EYS: variants seen among roughly 807,000 people sequenced by gnomAD.
The protein encoded by EYS is EGF-like photoreceptor maintenance factor, also known as protein eyes shut homolog.
Under a neutral mutation model 282.1 loss-of-function variants are expected in EYS, and 250 were observed. That is an observed-to-expected ratio of 0.89 (90% CI 0.80 to 0.98). EYS has a LOEUF of 0.98. Ranked by LOEUF, EYS falls within the 50% of genes least tolerant of loss-of-function variation. EYS has a pLI of 0.00. For synonymous variants in EYS, 1,355 were observed against 1,282.9 expected, an observed-to-expected ratio of 1.06 and a Z score of -1.20; for missense variants, 4,016 against 3,709.0, an observed-to-expected ratio of 1.08 and a Z score of -2.15.
intron 22 of EYS, among the ~76,000 whole-genome samples, chr6:64,669,463 G>T (rs1049932811): frequency 6.6e-6 from 1 of 152,200 alleles, no homozygotes; most frequent in Non-Finnish European, 1.5e-5. Context: ...GTGGAATTCA[G>T]TGACTGAAGG....
At chr6:64,622,649 G>A (rs542512274) in intron 23 of EYS, among the ~76,000 whole-genome samples, 1 of 152,198 alleles carries the variant, frequency 6.6e-6, no homozygotes, top group South Asian at 2.1e-4. Context: ...GTTAGATAAA[G>A]ACAAGAGTAT....
chr6:64,976,097 G>A (rs924970251), intron 14 of EYS, among the ~76,000 whole-genome samples: 3 of 151,722 alleles, frequency 2.0e-5, no homozygotes, highest in East Asian at 1.9e-4. Context: ...TAAATGAAAT[G>A]AACTAAGAAT....
intron 33 of EYS, among the ~76,000 whole-genome samples, chr6:64,004,405 T>A (rs999176496): frequency 6.6e-6 from 1 of 152,186 alleles, no homozygotes; most frequent in Admixed American, 6.5e-5. Flanking sequence ...ATATTGGAAT[T>A]CAGTTTCCAC....
chr6:65,137,997 A>G (rs968391682), intron 12 of EYS, among the ~76,000 whole-genome samples: 2 of 152,112 alleles, frequency 1.3e-5, no homozygotes, highest in African/African-American at 4.8e-5. Flanking sequence ...AAATAAAAAA[A>G]GAACAAAAAA....
intron 2 of EYS, among the ~76,000 whole-genome samples, chr6:65,579,261 T>C (rs1161682261): frequency 2.6e-5 from 4 of 152,236 alleles, no homozygotes; most frequent in African/African-American, 9.6e-5. Flanking sequence ...ATATATTAGA[T>C]TTAGAAACTT....
In EYS at chr6:65,465,764, T is replaced by C. The variant is rs563151032; in HGVS notation, c.862+24830A>G. Among the ~76,000 whole-genome samples, 8 of 152,136 alleles carry C rather than the reference T, an allele frequency of 5.3e-5. No homozygotes were observed. The East Asian group carries it at 1.6e-3, about 30-fold the overall frequency. On this transcript the variant is annotated intron_variant, in intron 5 of 42. Transcript: ENST00000503581. ...TAGGTGGCCAAGGCAGGAGGATCAC[T>C]TGAGTCCAGGAGTTCACAACCAGCC... is the stretch of plus-strand genomic sequence containing the variant.
At chr6:64,690,093 A>G (rs542239931) in intron 22 of EYS, among the ~76,000 whole-genome samples, 1 of 152,060 alleles carries the variant, frequency 6.6e-6, no homozygotes, top group South Asian at 2.1e-4. Context: ...CAAAGGGCTA[A>G]TATCCAGAAT....
intron 5 of EYS, among the ~76,000 whole-genome samples, chr6:65,413,216 G>A (rs1767095195): frequency 6.6e-6 from 1 of 151,976 alleles, no homozygotes; most frequent in South Asian, 2.1e-4. Flanking sequence ...CTTCATCACA[G>A]CTATGAAGCA....
intron 5 of EYS, among the ~76,000 whole-genome samples, chr6:65,465,703 T>C (rs560592700): frequency 6.6e-6 from 1 of 152,236 alleles, no homozygotes; most frequent in South Asian, 2.1e-4. Context: ...AGGCCACGCA[T>C]GGTCGCTTAT....
At chr6:65,685,530 G>A (rs909507251) in intron 1 of EYS, among the ~76,000 whole-genome samples, 1 of 152,024 alleles carries the variant, frequency 6.6e-6, no homozygotes, top group Non-Finnish European at 1.5e-5. Context: ...GAGTATAATT[G>A]AAGGCAAGGT....
rs185319137 is a variant in EYS at position 65,292,143 on chromosome 6, G to A, written c.2023+3720C>T. 3.9e-3 allele frequency among the ~76,000 whole-genome samples: 587 copies of A among 151,684 alleles called. 3 individuals carry two copies. Among genetic ancestry groups the A allele is most frequent in the Non-Finnish European group, 7.2e-3 (487 of 67,700 alleles). On this transcript the variant is annotated intron_variant, in intron 12 of 42. Transcript: ENST00000503581. ...ATTTTGGGGAAAACCATAAATACAA[G>A]CAACGGGCTTATATAATATCTCCTA... is the stretch of plus-strand genomic sequence containing the variant.
intron 32 of EYS, among the ~76,000 whole-genome samples, chr6:64,078,357 T>C (rs1183367131): frequency 6.6e-6 from 1 of 152,060 alleles, no homozygotes; most frequent in Admixed American, 6.6e-5. Flanking sequence ...AATATACTGA[T>C]TTCAAAGTAA....
chr6:64,785,774 G>T (rs1467894023), intron 22 of EYS, among the ~76,000 whole-genome samples: 7 of 152,138 alleles, frequency 4.6e-5, no homozygotes, highest in Admixed American at 4.6e-4. Flanking sequence ...GATGTATTGT[G>T]CTAGTTGCTG....
intron 2 of EYS, among the ~76,000 whole-genome samples, chr6:65,500,292 AG>A (rs1766404465): frequency 6.6e-6 from 1 of 152,064 alleles, no homozygotes; most frequent in South Asian, 2.1e-4. Flanking sequence ...ACAATCCTGG[AG>A]AACAATAATA....
In EYS at chr6:65,181,128, A is replaced by G. The variant is rs112450760; in HGVS notation, c.2023+114735T>C. 4.7e-3 allele frequency among the ~76,000 whole-genome samples: 713 copies of G among 152,270 alleles called. 3 individuals carry two copies. The highest frequency in any genetic ancestry group is 0.015 in the African/African-American group (630 of 41,556). On this transcript the variant is annotated intron_variant, in intron 12 of 42. Transcript: ENST00000503581. ...CCTAGAAGAAAACCTAGGCAGTACC[A>G]TTCAGGACATAGGCATCGGCAAGGA...
intron 30 of EYS, among the ~76,000 whole-genome samples, chr6:64,261,424 AACTTT>A (rs1179531937): frequency 1.3e-5 from 2 of 152,138 alleles, no homozygotes; most frequent in Non-Finnish European, 2.9e-5. Context: ...CGTAAATAAA[AACTTT>A]ACTTTGTATT....
In EYS at chr6:64,001,908, C is replaced by T. The variant is rs1582111053; in HGVS notation, c.6726-2725G>A. ...TGCTGGGTAGAGAAGGGCAGGGTCC[C>T]TGGCAAGGGCTCCACCCTTTGGCCT... is the stretch of plus-strand genomic sequence containing the variant. On this transcript the variant is annotated intron_variant, in intron 33 of 42. Transcript: ENST00000503581. Among the ~76,000 whole-genome samples, 3 of 152,322 alleles carry T rather than the reference C, an allele frequency of 2.0e-5. No homozygotes were observed. In the South Asian group the frequency reaches 6.2e-4, roughly 32 times the overall value.
intron 2 of EYS, among the ~76,000 whole-genome samples, chr6:65,602,156 GT>G (rs1387304869): frequency 6.6e-6 from 1 of 151,780 alleles, no homozygotes; most frequent in Admixed American, 6.6e-5. Context: ...TCTTGTCAAT[GT>G]TTTATATTTT....
intron 11 of EYS, among the ~76,000 whole-genome samples, chr6:65,296,937 G>C (rs1272423925): frequency 1.4e-5 from 2 of 142,718 alleles, no homozygotes; most frequent in South Asian, 2.1e-4. Flanking sequence ...TTTTTCTGGA[G>C]TTAGAGAGAC....
Sources: gnomAD v4.1 joint callset for allele counts (sites outside exome capture counted in the v4.1 genomes callset) on GRCh38, gnomAD v4.1.1 for gene constraint, MANE v1.5 for transcripts, NCBI Gene and HGNC (gene_info 2026-07-23, HGNC 2026-07-21) for gene names.